The following INPP4B variants were observed in gnomAD, a reference collection of about 807,000 sequenced individuals.
The protein encoded by INPP4B is inositol polyphosphate 4-phosphatase type II.
A neutral mutation model predicts 122.5 loss-of-function variants in INPP4B; 55 were observed. The ratio of observed to expected loss-of-function variants is 0.45; its 90% CI spans 0.36 to 0.56. The LOEUF (loss-of-function observed/expected upper bound fraction) is 0.56. INPP4B is among the 20% of genes least tolerant of loss of function. The pLI, the probability that INPP4B is intolerant of heterozygous loss-of-function variation, is 0.00. For missense variants in INPP4B, 1,000 were observed against 1,097.7 expected (o/e 0.91, Z 1.26); for synonymous variants, 403 against 388.7 (o/e 1.04, Z -0.43).
chr4:142,354,458 T>C (rs1403822986), intron 7 of INPP4B, among the ~76,000 whole-genome samples: 1 of 152,046 alleles, frequency 6.6e-6, no homozygotes, highest in African/African-American at 2.4e-5. Context: ...TTCTTGTCTA[T>C]TTCCATTCGG....
chr4:142,475,793 C>G (rs1819695770), intron 2 of INPP4B, among the ~76,000 whole-genome samples: 1 of 151,990 alleles, frequency 6.6e-6, no homozygotes, highest in African/African-American at 2.4e-5. Context: ...AAAAAACAAA[C>G]AAACAAAACC....
At chr4:142,739,921 AGACAT>A (rs1334661762) in intron 1 of INPP4B, among the ~76,000 whole-genome samples, 9 of 152,072 alleles carry the variant, frequency 5.9e-5, no homozygotes, top group African/African-American at 2.2e-4. Flanking sequence ...TATTGAAAAG[AGACAT>A]GAAGAACAAT....
At chr4:142,484,850 A>G (rs543669232) in intron 2 of INPP4B, among the ~76,000 whole-genome samples, 16 of 152,184 alleles carry the variant, frequency 1.1e-4, no homozygotes, top group African/African-American at 3.6e-4. Context: ...AATCCTCAGA[A>G]AAAGGTCTAC....
intron 2 of INPP4B, among the ~76,000 whole-genome samples, chr4:142,636,351 A>G (rs1288371379): frequency 6.6e-6 from 1 of 152,162 alleles, no homozygotes; most frequent in East Asian, 1.9e-4. Flanking sequence ...CCTAGAAATA[A>G]ACAAAATAAA....
intron 7 of INPP4B, among the ~76,000 whole-genome samples, chr4:142,334,346 A>C (rs1775781500): frequency 6.6e-6 from 1 of 152,302 alleles, no homozygotes; most frequent in South Asian, 2.1e-4. Flanking sequence ...TAATTCATCC[A>C]TCAGAGGATA....
At chr4:142,158,758 C>CAAGG (rs1178483753) in intron 17 of INPP4B, among the ~76,000 whole-genome samples, 3 of 149,670 alleles carry the variant, frequency 2.0e-5, no homozygotes, top group African/African-American at 7.4e-5. Context: ...GAAAAGGAAA[C>CAAGG]AAGGAAGGAG....
chr4:142,727,032 A>G (rs1765425770), intron 1 of INPP4B, among the ~76,000 whole-genome samples: 1 of 152,202 alleles, frequency 6.6e-6, no homozygotes, highest in Non-Finnish European at 1.5e-5. Flanking sequence ...ATTGAGAATC[A>G]CTGCCCTAGT....
intron 8 of INPP4B, among the ~76,000 whole-genome samples, chr4:142,308,378 C>T (rs933642678): frequency 2.0e-5 from 3 of 152,086 alleles, no homozygotes; most frequent in African/African-American, 7.2e-5. Context: ...CTAAAAATAA[C>T]TGTATATCAG....
intron 1 of INPP4B, among the ~76,000 whole-genome samples, chr4:142,732,288 TCTA>T (rs1442623671): frequency 6.6e-6 from 1 of 152,124 alleles, no homozygotes; most frequent in Non-Finnish European, 1.5e-5. Context: ...CACACTCTCA[TCTA>T]TAATCCAGCT....
At chr4:142,325,419 G>A (rs1287403631) in intron 7 of INPP4B, among the ~76,000 whole-genome samples, 1 of 152,146 alleles carries the variant, frequency 6.6e-6, no homozygotes, top group Non-Finnish European at 1.5e-5. Flanking sequence ...GGTAAGACTA[G>A]AGCTTACTCT....
At chr4:142,397,102 T>C (rs1053305978) in intron 7 of INPP4B, among the ~76,000 whole-genome samples, 1 of 152,226 alleles carries the variant, frequency 6.6e-6, no homozygotes, top group Non-Finnish European at 1.5e-5. Context: ...AAAAATTATG[T>C]CCTTTGTAAA....
intron 5 of INPP4B, chr4:142,423,860 A>T (rs1460442301): frequency 2.1e-5 from 9 of 421,406 alleles, no homozygotes; most frequent in Non-Finnish European, 3.3e-5. Context: ...TGTACTTACC[A>T]CTCTTCCCAA....
At chr4:142,836,703 A>C (rs1016769082) in intron 1 of INPP4B, among the ~76,000 whole-genome samples, 7 of 112,284 alleles carry the variant, frequency 6.2e-5, no homozygotes, top group Non-Finnish European at 1.4e-4. Flanking sequence ...ATTTAGGTAA[A>C]TGAAAAAGTA....
chr4:142,353,975 A>G (rs80005735), intron 7 of INPP4B, among the ~76,000 whole-genome samples: 1,494 of 148,858 alleles, frequency 0.01, 24 homozygotes, highest in African/African-American at 0.035. Context: ...TTGTTCAATA[A>G]CTCTTGGTGG....
chr4:142,480,744 G>A (rs967439904), intron 2 of INPP4B, among the ~76,000 whole-genome samples: 1 of 152,134 alleles, frequency 6.6e-6, no homozygotes, highest in Non-Finnish European at 1.5e-5. Context: ...TAAAATAGCT[G>A]AAGACAAGAG....
At chr4:142,252,471 A>T (rs573712681) in intron 11 of INPP4B, among the ~76,000 whole-genome samples, 9 of 152,220 alleles carry the variant, frequency 5.9e-5, no homozygotes, top group Non-Finnish European at 1.2e-4. Flanking sequence ...TACAGGCGTG[A>T]GCCACCGCGC....
At chr4:142,653,635 G>T (rs1226262599) in intron 2 of INPP4B, among the ~76,000 whole-genome samples, 1 of 152,278 alleles carries the variant, frequency 6.6e-6, no homozygotes. Context: ...ATCATCACTG[G>T]TCACCAGAGA....
chr4:142,053,155 G>A (rs2667097), intron 25 of INPP4B, among the ~76,000 whole-genome samples: 97,700 of 151,872 alleles, frequency 0.64, 36,686 homozygotes, highest in Non-Finnish European at 0.82. Context: ...CAGGGACTGC[G>A]TGTGAAAAGG....
At chr4:142,449,098 C>T (rs1813573985) in intron 3 of INPP4B, among the ~76,000 whole-genome samples, 4 of 152,228 alleles carry the variant, frequency 2.6e-5, no homozygotes, top group African/African-American at 9.6e-5. Flanking sequence ...TCAGTGAGGA[C>T]CTGCTTTGTC....
Sources: allele counts gnomAD v4.1 joint callset (sites outside exome capture counted in the v4.1 genomes callset), GRCh38; gene constraint gnomAD v4.1.1; transcripts MANE v1.5; gene names NCBI Gene and HGNC (gene_info 2026-07-23, HGNC 2026-07-21).